The following CTNNA3 variants were observed in gnomAD, a reference collection of about 807,000 sequenced individuals.
CTNNA3 encodes catenin alpha 3, also known as catenin alpha-3.
CTNNA3 carries 76 observed loss-of-function variants against 95.7 expected under a neutral mutation model. That is an observed-to-expected ratio of 0.79 (90% CI 0.66 to 0.96). The LOEUF (loss-of-function observed/expected upper bound fraction) is 0.96. CTNNA3 is among the 40% of genes least tolerant of loss of function. CTNNA3 has a pLI of 0.00. For missense variants in CTNNA3, 1,191 were observed against 1,089.8 expected, an observed-to-expected ratio of 1.09 and a Z score of -1.31; for synonymous variants, 431 against 374.4, an observed-to-expected ratio of 1.15 and a Z score of -1.74.
At chr10:66,875,334 C>T (rs888793725) in intron 7 of CTNNA3, among the ~76,000 whole-genome samples, 2 of 151,328 alleles carry the variant, frequency 1.3e-5, no homozygotes, top group Admixed American at 6.6e-5. Context: ...CATGGATTCT[C>T]ATCACACTGA....
chr10:67,674,134 C>T (rs2133556347), intron 1 of CTNNA3, among the ~76,000 whole-genome samples: 1 of 152,052 alleles, frequency 6.6e-6, no homozygotes, highest in East Asian at 2.0e-4. Flanking sequence ...GTACCTCACT[C>T]ACGATATGAC....
At chr10:66,744,585 A>G (rs531838366) in intron 9 of CTNNA3, among the ~76,000 whole-genome samples, 1 of 152,268 alleles carries the variant, frequency 6.6e-6, no homozygotes, top group African/African-American at 2.4e-5. Flanking sequence ...CTGGCTTCTT[A>G]GAGGTTAGTA....
intron 12 of CTNNA3, among the ~76,000 whole-genome samples, chr10:66,376,773 T>C (rs1383809876): frequency 1.3e-5 from 2 of 152,164 alleles, no homozygotes; most frequent in Non-Finnish European, 2.9e-5. Context: ...TCCACAGATA[T>C]TACTGTTCAC....
At chr10:66,157,576 G>A (rs557993658) in intron 13 of CTNNA3, among the ~76,000 whole-genome samples, 40 of 152,036 alleles carry the variant, frequency 2.6e-4, no homozygotes, top group African/African-American at 9.4e-4. Context: ...TGAGTGATGG[G>A]CATTTGTGTT....
At chr10:67,297,664 C>A (rs1337712541) in intron 5 of CTNNA3, among the ~76,000 whole-genome samples, 1 of 152,182 alleles carries the variant, frequency 6.6e-6, no homozygotes, top group Non-Finnish European at 1.5e-5. Context: ...AAATCACCTG[C>A]TTGTGCAGTT....
At chr10:66,337,298 C>T (rs1589109429) in intron 12 of CTNNA3, among the ~76,000 whole-genome samples, 2 of 151,976 alleles carry the variant, frequency 1.3e-5, no homozygotes, top group South Asian at 4.2e-4. Context: ...AGTCCTGAGA[C>T]CAAAGAGTCT....
At chr10:66,115,287 G>A (rs1398432344) in intron 13 of CTNNA3, among the ~76,000 whole-genome samples, 1 of 152,162 alleles carries the variant, frequency 6.6e-6, no homozygotes, top group Non-Finnish European at 1.5e-5. Flanking sequence ...AAACATTAAA[G>A]GGGGTGGTGA....
intron 5 of CTNNA3, among the ~76,000 whole-genome samples, chr10:67,276,000 A>G (rs977742703): frequency 3.7e-4 from 56 of 152,170 alleles, no homozygotes; most frequent in African/African-American, 7.0e-4. Context: ...AAATATTTAG[A>G]ATGATCATAT....
At chr10:67,702,500 A>G (rs1233241670) in intron 1 of CTNNA3, among the ~76,000 whole-genome samples, 1 of 152,244 alleles carries the variant, frequency 6.6e-6, no homozygotes, top group Non-Finnish European at 1.5e-5. Context: ...CTACATGGAA[A>G]CTAAACAACC....
intron 17 of CTNNA3, among the ~76,000 whole-genome samples, chr10:65,934,580 TA>T (rs1202623323): frequency 6.6e-6 from 1 of 152,198 alleles, no homozygotes; most frequent in Non-Finnish European, 1.5e-5. Context: ...TTTTGATCTT[TA>T]AAATCCAGAG....
At chr10:67,479,576 T>C (rs1848142101) in intron 5 of CTNNA3, among the ~76,000 whole-genome samples, 4 of 152,026 alleles carry the variant, frequency 2.6e-5, no homozygotes, top group Admixed American at 2.6e-4. Context: ...ATCCAAAATT[T>C]TGGGGATGCA....
intron 13 of CTNNA3, among the ~76,000 whole-genome samples, chr10:66,225,147 T>C (rs1393761386): frequency 6.6e-6 from 1 of 151,774 alleles, no homozygotes; most frequent in Non-Finnish European, 1.5e-5. Context: ...CCTCCTTTAT[T>C]GCATCTAGCT....
chr10:66,545,401 T>G (rs899437594), intron 10 of CTNNA3, among the ~76,000 whole-genome samples: 2 of 152,078 alleles, frequency 1.3e-5, no homozygotes, highest in Admixed American at 6.5e-5. Flanking sequence ...TATAAATCAT[T>G]TATTTTGTTG....
rs71035189 is a variant in CTNNA3 at position 66,840,323 on chromosome 10, A to ATCTCTC, written c.1048-64805_1048-64800dup. Among the ~76,000 whole-genome samples, 319 of 90,644 alleles carry ATCTCTC rather than the reference A, an allele frequency of 3.5e-3. 2 individuals carry two copies. The highest frequency in any genetic ancestry group is 0.014 in the East Asian group (23 of 1,650). The allele number at this position is 90,644 out of a possible 152,430, so 59.5% of individuals were successfully genotyped here. On this transcript the variant is annotated intron_variant, in intron 7 of 17. Transcript: ENST00000433211. ...CCTGCATTTCTTCTTCCAAGAAGCC[A>ATCTCTC]TCTCTCTCTCTCTCTCTCTCTCTCT...
At chr10:67,295,168 C>T (rs938965615) in intron 5 of CTNNA3, among the ~76,000 whole-genome samples, 2 of 152,120 alleles carry the variant, frequency 1.3e-5, no homozygotes, top group Non-Finnish European at 2.9e-5. Flanking sequence ...TGGGGCATAA[C>T]GTAGTAAGTG....
chr10:66,422,943 A>T (rs2093208543), intron 11 of CTNNA3, among the ~76,000 whole-genome samples: 2 of 151,888 alleles, frequency 1.3e-5, no homozygotes, highest in African/African-American at 2.4e-5. Flanking sequence ...TTTCATTTTT[A>T]AAAAGAAGTT....
At chr10:67,583,089 T>C (rs1029986256) in intron 3 of CTNNA3, among the ~76,000 whole-genome samples, 4 of 152,148 alleles carry the variant, frequency 2.6e-5, no homozygotes, top group African/African-American at 9.7e-5. Flanking sequence ...TGTGTGAATT[T>C]GATCCTGCCA....
intron 7 of CTNNA3, among the ~76,000 whole-genome samples, chr10:66,788,229 C>T (rs1164697317): frequency 6.6e-6 from 1 of 152,108 alleles, no homozygotes; most frequent in Admixed American, 6.6e-5. Flanking sequence ...AACGTTCCCC[C>T]TCACTGAGTG....
At chr10:67,144,405 A>T (rs754128128) in intron 7 of CTNNA3, among the ~76,000 whole-genome samples, 1 of 152,190 alleles carries the variant, frequency 6.6e-6, no homozygotes, top group Non-Finnish European at 1.5e-5. Flanking sequence ...ATAGGCATTG[A>T]CTTCTCCTCT....
Sources: allele counts gnomAD v4.1 joint callset (sites outside exome capture counted in the v4.1 genomes callset), GRCh38; gene constraint gnomAD v4.1.1; transcripts MANE v1.5; gene names NCBI Gene and HGNC (gene_info 2026-07-23, HGNC 2026-07-21).